Variants in RAD9A observed in about 807,000 individuals in gnomAD.
The protein encoded by RAD9A is cell cycle checkpoint control protein RAD9A.
Under a neutral mutation model 41.2 loss-of-function variants are expected in RAD9A, and 25 were observed. The observed-to-expected ratio is 0.61, with a 90% CI of 0.44 to 0.85. The LOEUF (loss-of-function observed/expected upper bound fraction) is 0.85. RAD9A is among the 40% of genes least tolerant of loss of function. The pLI, the probability that RAD9A is intolerant of heterozygous loss-of-function variation, is 0.00. For synonymous variants in RAD9A, 252 were observed against 210.6 expected (o/e 1.20, Z -1.70); for missense variants, 514 against 518.3 (o/e 0.99, Z 0.08).
chr11:67,397,347 T>C lies in RAD9A; in HGVS notation c.1041T>C (p.Ala347=). The C allele has an allele frequency of 6.3e-7, 1 of 1,594,706 alleles. No homozygotes were observed. Among genetic ancestry groups the C allele is most frequent in the African/African-American group, 1.4e-5 (1 of 72,146 alleles). ...PGPHSEEEDE[A]EPSTVPGTPP... The stretch of plus-strand genomic sequence containing the variant: ...CCCACTCCGAGGAGGAAGATGAGGC[T>C]GAGCCCAGTACAGTGCCTGGGACTC... The change falls in exon 10 of 11, where the codon GCT becomes GCC. Residue 347 remains alanine (A), a synonymous_variant. Coordinates refer to ENST00000307980, the MANE Select transcript of RAD9A (RefSeq NM_004584.3).
intron 2 of RAD9A, 48 bp downstream of exon 2, chr11:67,392,279 G>T (rs753393549): frequency 2.0e-6 from 3 of 1,463,588 alleles, no homozygotes; most frequent in Non-Finnish European, 2.8e-6. Context: ...GCCGGGAGCG[G>T]GTAACCCGGA....
chr11:67,395,392 G>A, intron 5 of RAD9A: 1 of 336,084 alleles, frequency 3.0e-6, no homozygotes, highest in Non-Finnish European at 5.4e-6. Flanking sequence ...ATTTCCAGAT[G>A]TGATTTCATC....
At chr11:67,392,262 G>GGGGGGGGGGGGC in intron 2 of RAD9A, 31 bp downstream of exon 2, 24 of 600,752 alleles carry the variant, frequency 4.0e-5, no homozygotes, top group East Asian at 1.7e-4. Context: ...GGGCGGGTGG[G>GGGGGGGGGGGGC]ACTCCAGCCG....
At chr11:67,394,341 C>T (rs932102606) in intron 5 of RAD9A, among the ~76,000 whole-genome samples, 6 of 152,164 alleles carry the variant, frequency 3.9e-5, no homozygotes, top group African/African-American at 1.4e-4. Flanking sequence ...CTGGGCAGTC[C>T]GAGCACTGGG....
rs1447309851 is a variant in RAD9A at position 67,393,696 on chromosome 11, C to A, written c.355C>A (p.Arg119=). The A allele has an allele frequency of 6.2e-7, 1 of 1,612,908 alleles. No homozygotes were observed. Among genetic ancestry groups the A allele is most frequent in the African/African-American group, 1.3e-5 (1 of 74,908 alleles). Residue 119 remains arginine, a synonymous_variant, in exon 5 of 11, where the codon CGG becomes AGG. Transcript: ENST00000307980. The stretch of plus-strand genomic sequence containing the variant: ...AGACCCTATCGCCCATCCAGGGGTG[C>A]GGAAGACTCACAACCTGTCCTTCCA... The part of the protein sequence containing the change: ...VVQLHCKFGV[R]KTHNLSFQDC...
At chr11:67,393,303 G>T in intron 3 of RAD9A, 193 bp from the exon 4 acceptor site, 1 of 1,291,346 alleles carries the variant, frequency 7.7e-7, no homozygotes, top group Non-Finnish European at 9.8e-7. Flanking sequence ...AAAAAGGTAA[G>T]CAGGTCTTTC....
At chr11:67,397,430 A>AG (rs779308364) in intron 10 of RAD9A, 34 bp from the exon 11 acceptor site, 8 of 1,591,332 alleles carry the variant, frequency 5.0e-6, no homozygotes, top group African/African-American at 1.3e-5. Flanking sequence ...TAGGGAAGGG[A>AG]GCAGCCTCCA....
At position 67,398,401 on chromosome 11, in the gene RAD9A, A is replaced by G; in HGVS notation, c.*842A>G. 1 of 902,392 alleles carries G rather than the reference A, an allele frequency of 1.1e-6. No individual in the cohort carries two copies. Among genetic ancestry groups the G allele is most frequent in the Non-Finnish European group, 1.7e-6 (1 of 603,152 alleles). 55.9% of individuals were successfully genotyped at this position (902,392 alleles called of 1,614,324 possible). A position where few individuals can be genotyped will look rare whatever the true frequency, so the allele number is the denominator to read the frequency against. ...TGCTATTGATTCATTAAAAAAAGAA[A>G]AGAAAAATACACCAAGGCTCCATGT... is the stretch of plus-strand genomic sequence containing the variant. On this transcript the variant is annotated 3_prime_UTR_variant, in exon 11 of 11. Coordinates refer to ENST00000307980, the MANE Select transcript of RAD9A (RefSeq NM_004584.3).
intron 2 of RAD9A, among the ~76,000 whole-genome samples, 164 bp from the exon 3 acceptor site, chr11:67,392,490 C>G (rs1862554615): frequency 6.6e-6 from 1 of 152,182 alleles, no homozygotes; most frequent in Non-Finnish European, 1.5e-5. Context: ...GCGGCAGCAG[C>G]GCCGGGGCCG....
chr11:67,393,749 C>G lies in RAD9A; in HGVS notation c.408C>G (p.Phe136Leu). The G allele has an allele frequency of 6.2e-7, 1 of 1,612,572 alleles. No individual in the cohort carries two copies. The change falls in exon 5 of 11, where the codon TTC becomes TTG. Residue 136 changes from phenylalanine (F) to leucine (L), a missense_variant. This residue lies in a region of RAD9A where 268 missense variants were observed against 279.3 expected (regional missense o/e 0.96). Coordinates refer to ENST00000307980, the MANE Select transcript of RAD9A (RefSeq NM_004584.3). ...ACTGTGAGTCCCTGCAGGCCGTCTT[C>G]GACCCAGCCTCGTGCCCCCACATGC... ...FQDCESLQAV[F>L]DPASCPHMLR...
intron 9 of RAD9A, 113 bp downstream of exon 9, chr11:67,396,513 C>G: frequency 7.4e-7 from 1 of 1,349,402 alleles, no homozygotes; most frequent in Non-Finnish European, 1.0e-6. Flanking sequence ...CGCCCCTTCT[C>G]TTTCTATCAG....
In RAD9A at chr11:67,397,650, A is replaced by G; in HGVS notation, c.*91A>G. 1 of 1,202,470 alleles carries G rather than the reference A, an allele frequency of 8.3e-7. No individual in the cohort carries two copies. The highest frequency in any genetic ancestry group is 1.2e-6 in the Non-Finnish European group (1 of 859,962). The allele number at this position is 1,202,470 out of a possible 1,614,324, so 74.5% of individuals were successfully genotyped here. A position where few individuals can be genotyped will look rare whatever the true frequency, so the allele number is the denominator to read the frequency against. On this transcript the variant is annotated 3_prime_UTR_variant, in exon 11 of 11. Transcript: ENST00000307980. ...TGGGTCTCTCAGCCCTGGGGATCAG[A>G]AAGGTGGGCTTGCTGGAGCTGAGCT... is the stretch of plus-strand genomic sequence containing the variant.
At position 67,398,242 on chromosome 11, in the gene RAD9A, C is replaced by T; in HGVS notation, c.*683C>T. On this transcript the variant is annotated 3_prime_UTR_variant, in exon 11 of 11. Coordinates refer to ENST00000307980, the MANE Select transcript of RAD9A (RefSeq NM_004584.3). The stretch of plus-strand genomic sequence containing the variant: ...GATGGGTTGCCCCAGGATCCGGCTG[C>T]CAGCCCTGAGGCCAAGCACGGCTGG... 6.7e-6 allele frequency: 3 copies of T among 450,976 alleles called. No individual in the cohort carries two copies. In the South Asian group the frequency reaches 8.5e-5, roughly 13 times the overall value. 27.9% of individuals were successfully genotyped at this position (450,976 alleles called of 1,614,324 possible). A position where few individuals can be genotyped will look rare whatever the true frequency, so the allele number is the denominator to read the frequency against.
chr11:67,395,575 A>C, intron 5 of RAD9A, 141 bp from the exon 6 acceptor site: 2 of 652,180 alleles, frequency 3.1e-6, no homozygotes, highest in Non-Finnish European at 5.2e-6. Context: ...CCTCCCTGCC[A>C]CCTTCTCTGG....
Position 67,397,568 on chromosome 11 carries a change from C to T in RAD9A, c.*9C>T, listed in dbSNP as rs761758763. 4 of 1,584,538 alleles carry T rather than the reference C, an allele frequency of 2.5e-6. No individual in the cohort carries two copies. Among genetic ancestry groups the T allele is most frequent in the Admixed American group, 1.7e-5 (1 of 59,830 alleles). On this transcript the variant is annotated 3_prime_UTR_variant, in exon 11 of 11. Transcript: ENST00000307980. Reference sequence around the variant, plus strand: ...GTGAGGGTGAAGGCTGAACCAAGAACCTGAAGCCTGTACCCAGAGGCCTTG... The same window carrying T: ...GTGAGGGTGAAGGCTGAACCAAGAATCTGAAGCCTGTACCCAGAGGCCTTG...
At position 67,395,841 on chromosome 11, in the gene RAD9A, G is replaced by T. The variant is rs745944272; in HGVS notation, c.559+16G>T. 1 of 1,613,244 alleles carries T rather than the reference G, an allele frequency of 6.2e-7. No individual in the cohort carries two copies. Among genetic ancestry groups the T allele is most frequent in the Non-Finnish European group, 8.5e-7 (1 of 1,179,610 alleles). ...GAGGAGGCAGGTGAGGGGGCTGGAC[G>T]TGGCCTGGGACAGCAGAGTGGCAGG... is the stretch of plus-strand genomic sequence containing the variant. On this transcript the variant is annotated intron_variant, in intron 6 of 10. Coordinates refer to ENST00000307980, the MANE Select transcript of RAD9A (RefSeq NM_004584.3).
chr11:67,397,597 T>A lies in RAD9A; in HGVS notation c.*38T>A, dbSNP rs757671810. ...AAGCCTGTACCCAGAGGCCTTGGAC[T>A]AGACGAAGCCCCAGCCAGTGGCAGA... On this transcript the variant is annotated 3_prime_UTR_variant, in exon 11 of 11. Transcript: ENST00000307980. 1.3e-5 allele frequency: 20 copies of A among 1,519,616 alleles called. No homozygotes were observed. In the South Asian group the frequency reaches 1.9e-4, roughly 15 times the overall value. 94.1% of individuals were successfully genotyped at this position (1,519,616 alleles called of 1,614,324 possible).
rs979853294 is a variant in RAD9A, at chr11:67,397,747, G to A, written c.*188G>A. ...GTCCCACAGCGGTCGGGCCTGGGCC[G>A]TTATCTCCCCACAACCCCCAGCCAA... On this transcript the variant is annotated 3_prime_UTR_variant, in exon 11 of 11. Coordinates refer to ENST00000307980, the MANE Select transcript of RAD9A (RefSeq NM_004584.3). 3 of 563,866 alleles carry A rather than the reference G, an allele frequency of 5.3e-6. No individual in the cohort carries two copies. The highest frequency in any genetic ancestry group is 3.1e-5 in the East Asian group (1 of 32,708). The allele number at this position is 563,866 out of a possible 1,614,324, so 34.9% of individuals were successfully genotyped here. A position where few individuals can be genotyped will look rare whatever the true frequency, so the allele number is the denominator to read the frequency against.
chr11:67,392,136 C>T, intron 1 of RAD9A, 25 bp from the exon 2 acceptor site: 1 of 1,611,094 alleles, frequency 6.2e-7, no homozygotes. Flanking sequence ...GCCAGCCTAA[C>T]CCCCTTCCGC....
Sources: allele counts gnomAD v4.1 joint callset (sites outside exome capture counted in the v4.1 genomes callset), GRCh38; gene constraint gnomAD v4.1.1; regional missense constraint gnomAD v4.1.1; transcripts MANE v1.5; gene names NCBI Gene and HGNC (gene_info 2026-07-23, HGNC 2026-07-21).